Variants in GULP1 observed in about 807,000 individuals in gnomAD.
GULP1 encodes the protein PTB domain-containing engulfment adapter protein 1.
In GULP1, 19 loss-of-function variants were observed where a neutral mutation model predicts 40.9. That is an observed-to-expected ratio of 0.46 (90% CI 0.32 to 0.68). GULP1 has a LOEUF of 0.68. Ranked by LOEUF, GULP1 falls within the 30% of genes least tolerant of loss-of-function variation. The pLI is 0.03. For missense variants in GULP1, 312 were observed against 362.2 expected, an observed-to-expected ratio of 0.86 and a Z score of 1.12; for synonymous variants, 119 against 117.6, an observed-to-expected ratio of 1.01 and a Z score of -0.08.
intron 2 of GULP1, among the ~76,000 whole-genome samples, chr2:188,454,113 G>A (rs1559259386): frequency 1.3e-5 from 2 of 152,208 alleles, no homozygotes; most frequent in Admixed American, 6.5e-5. Context: ...CTGTGTTATA[G>A]CTTGTACCCC....
chr2:188,527,609 C>T (rs886589181), intron 5 of GULP1, among the ~76,000 whole-genome samples: 6 of 152,108 alleles, frequency 3.9e-5, no homozygotes, highest in African/African-American at 1.4e-4. Flanking sequence ...TTAGTTGTAT[C>T]GTGCAGCAGT....
In GULP1 at chr2:188,386,435, T is replaced by TTA. The variant is rs1437950419; in HGVS notation, c.-45+2555_-45+2556dup. The stretch of plus-strand genomic sequence containing the variant: ...TGGGGATACAGCCAAACCATATCAA[T>TTA]TATATATATACTTTGTTGATTTTCT... On this transcript the variant is annotated intron_variant, in intron 2 of 11. Coordinates refer to ENST00000409830, the MANE Select transcript of GULP1 (RefSeq NM_016315.4). Among the ~76,000 whole-genome samples, 5 of 152,160 alleles carry TTA rather than the reference T, an allele frequency of 3.3e-5. No homozygotes were observed. In the East Asian group the frequency reaches 9.6e-4, roughly 29 times the overall value.
intron 4 of GULP1, among the ~76,000 whole-genome samples, chr2:188,503,805 A>G (rs2063662182): frequency 6.6e-6 from 1 of 151,928 alleles, no homozygotes; most frequent in South Asian, 2.1e-4. Context: ...TTACCTTGTT[A>G]ATACCATATG....
chr2:188,421,815 G>A (rs1380723562), intron 2 of GULP1, among the ~76,000 whole-genome samples: 2 of 152,110 alleles, frequency 1.3e-5, no homozygotes, highest in African/African-American at 4.8e-5. Flanking sequence ...ATAGATGTAT[G>A]AAGGACTCAA....
At chr2:188,388,857 T>G (rs538903890) in intron 2 of GULP1, among the ~76,000 whole-genome samples, 64 of 152,276 alleles carry the variant, frequency 4.2e-4, no homozygotes, top group Non-Finnish European at 7.5e-4. Flanking sequence ...GACTAGTGAG[T>G]AATAATTATG....
intron 9 of GULP1, among the ~76,000 whole-genome samples, chr2:188,574,278 G>A (rs1699729278): frequency 6.6e-6 from 1 of 152,092 alleles, no homozygotes; most frequent in African/African-American, 2.4e-5. Context: ...TTCAGTTTAT[G>A]ATGAAGTAGA....
chr2:188,501,576 G>GC (rs539897419), intron 4 of GULP1, among the ~76,000 whole-genome samples: 13 of 151,920 alleles, frequency 8.6e-5, no homozygotes, highest in Non-Finnish European at 1.9e-4. Context: ...AATCACTATA[G>GC]CATGCCACCA....
At chr2:188,400,945 G>GTA (rs1410786968) in intron 2 of GULP1, among the ~76,000 whole-genome samples, 1 of 151,316 alleles carries the variant, frequency 6.6e-6, no homozygotes, top group Non-Finnish European at 1.5e-5. Context: ...GTGTGTGTGT[G>GTA]TGTGTGTGTG....
At chr2:188,474,594 G>C (rs2060854653) in intron 2 of GULP1, among the ~76,000 whole-genome samples, 1 of 152,160 alleles carries the variant, frequency 6.6e-6, no homozygotes, top group Admixed American at 6.5e-5. Flanking sequence ...GCTGAGGGTA[G>C]GAGAGGAGTG....
At chr2:188,302,387 A>G (rs1020792226) in intron 1 of GULP1, among the ~76,000 whole-genome samples, 5 of 152,184 alleles carry the variant, frequency 3.3e-5, no homozygotes, top group Non-Finnish European at 7.4e-5. Context: ...TTATACCACT[A>G]TTTATTGGCT....
intron 7 of GULP1, among the ~76,000 whole-genome samples, chr2:188,547,538 G>C (rs554752448): frequency 9.9e-5 from 15 of 152,222 alleles, no homozygotes; most frequent in African/African-American, 2.9e-4. Flanking sequence ...TGTAGGCTGG[G>C]AGGTTAAGCC....
intron 2 of GULP1, among the ~76,000 whole-genome samples, chr2:188,441,240 T>A (rs942820808): frequency 2.0e-5 from 3 of 152,196 alleles, no homozygotes; most frequent in Non-Finnish European, 4.4e-5. Context: ...AAGTTTCCTC[T>A]TATTTTCAAA....
At chr2:188,564,748 A>G (rs1697236508) in intron 7 of GULP1, among the ~76,000 whole-genome samples, 1 of 151,966 alleles carries the variant, frequency 6.6e-6, no homozygotes, top group Non-Finnish European at 1.5e-5. Context: ...ATTACCTAGA[A>G]CAAAAACAAA....
At chr2:188,498,034 CA>C (rs2063069863) in intron 4 of GULP1, among the ~76,000 whole-genome samples, 1 of 151,896 alleles carries the variant, frequency 6.6e-6, no homozygotes, top group Non-Finnish European at 1.5e-5. Flanking sequence ...TACTATCTCA[CA>C]CACATTGGCA....
chr2:188,352,601 T>TTC (rs144329147), intron 1 of GULP1, among the ~76,000 whole-genome samples: 75 of 109,448 alleles, frequency 6.9e-4, no homozygotes, highest in African/African-American at 1.9e-3. Context: ...CTTGCTCTCT[T>TTC]TCTCTCTCTC....
chr2:188,394,953 A>G (rs2051028381), intron 2 of GULP1, among the ~76,000 whole-genome samples: 1 of 152,158 alleles, frequency 6.6e-6, no homozygotes, highest in South Asian at 2.1e-4. Context: ...CTGTGCTGTG[A>G]ACATTTTTAT....
At chr2:188,544,554 A>C (rs114506548) in intron 7 of GULP1, among the ~76,000 whole-genome samples, 37 of 151,638 alleles carry the variant, frequency 2.4e-4, no homozygotes, top group Non-Finnish European at 1.2e-4. Context: ...AATAATAATA[A>C]TACTAAAAGA....
intron 1 of GULP1, among the ~76,000 whole-genome samples, chr2:188,341,677 T>G (rs192565143): frequency 6.6e-6 from 1 of 152,310 alleles, no homozygotes; most frequent in Admixed American, 6.5e-5. Flanking sequence ...GCAGATAACA[T>G]TTATTCAGAG....
intron 7 of GULP1, 78 bp from the exon 8 acceptor site, chr2:188,569,161 A>G (rs1698483870): frequency 6.4e-6 from 5 of 783,668 alleles, no homozygotes; most frequent in Non-Finnish European, 1.1e-5. Context: ...GTAAGTGCTT[A>G]TATGAATGTT....
Sources: gnomAD v4.1 joint callset for allele counts (sites outside exome capture counted in the v4.1 genomes callset) on GRCh38, gnomAD v4.1.1 for gene constraint, MANE v1.5 for transcripts, NCBI Gene and HGNC (gene_info 2026-07-23, HGNC 2026-07-21) for gene names.